The following ST7 variants were observed in gnomAD, a reference collection of about 807,000 sequenced individuals.
The protein encoded by ST7 is suppression of tumorigenicity 7.
A neutral mutation model predicts 78.7 loss-of-function variants in ST7; 28 were observed. That is an observed-to-expected ratio of 0.36 (90% CI 0.26 to 0.49). The LOEUF is 0.49. Ranked by LOEUF, ST7 falls within the 20% of genes least tolerant of loss-of-function variation. ST7 has a pLI of 0.99. For synonymous variants in ST7, 247 were observed against 249.6 expected (o/e 0.99, Z 0.10); for missense variants, 418 against 696.0 (o/e 0.60, Z 4.49).
chr7:117,059,452 G>A (rs955927103), intron 1 of ST7, among the ~76,000 whole-genome samples: 5 of 152,140 alleles, frequency 3.3e-5, no homozygotes, highest in African/African-American at 1.2e-4. Flanking sequence ...ATGCTAGAAT[G>A]GACAGAAATA....
At chr7:117,000,012 C>T (rs1362212233) in intron 1 of ST7, among the ~76,000 whole-genome samples, 6 of 151,908 alleles carry the variant, frequency 3.9e-5, no homozygotes, top group Non-Finnish European at 4.4e-5. Context: ...GGGGTTTCAC[C>T]GTGTTAGCCA....
chr7:117,090,295 T>C (rs1474965263), intron 1 of ST7, among the ~76,000 whole-genome samples: 1 of 151,886 alleles, frequency 6.6e-6, no homozygotes, highest in African/African-American at 2.4e-5. Flanking sequence ...GTCCCAGCCA[T>C]CAAAGACTTG....
chr7:116,961,256 C>T lies in ST7; in HGVS notation c.151+7565C>T, dbSNP rs183187414. ...AGATGAGTAGCGAGTAGCATGATGC[C>T]TCCAGCTTTGTTCTTTTGCTTAGGA... On this transcript the variant is annotated intron_variant, in intron 1 of 15. Coordinates refer to ENST00000323984, the MANE Select transcript of ST7 (RefSeq NM_001369598.1). Among the ~76,000 whole-genome samples the T allele has an allele frequency of 1.7e-4, 26 of 152,248 alleles. No individual in the cohort carries two copies. The East Asian group carries it at 4.8e-3, about 28-fold the overall frequency.
chr7:116,996,641 T>A (rs778794765), intron 1 of ST7, among the ~76,000 whole-genome samples: 1 of 152,210 alleles, frequency 6.6e-6, no homozygotes, highest in Non-Finnish European at 1.5e-5. Flanking sequence ...ATAGGTGCAT[T>A]CTTCTTTATT....
At chr7:117,135,520 T>C (rs1307762302) in intron 7 of ST7, among the ~76,000 whole-genome samples, 1 of 152,010 alleles carries the variant, frequency 6.6e-6, no homozygotes, top group Admixed American at 6.6e-5. Flanking sequence ...TTTTTTTCAG[T>C]GAGTAACTTG....
intron 9 of ST7, among the ~76,000 whole-genome samples, chr7:117,168,668 A>G (rs1807751904): frequency 6.6e-6 from 1 of 152,236 alleles, no homozygotes; most frequent in Non-Finnish European, 1.5e-5. Context: ...AGTTCGGACC[A>G]TCAGTCTTAC....
intron 9 of ST7, among the ~76,000 whole-genome samples, chr7:117,169,232 T>C (rs1807800595): frequency 6.6e-6 from 1 of 151,310 alleles, no homozygotes; most frequent in Admixed American, 6.6e-5. Context: ...ACCTCCTGGG[T>C]TCAAGTGATT....
intron 2 of ST7, 98 bp downstream of exon 2, chr7:117,099,942 A>G: frequency 2.3e-6 from 2 of 873,206 alleles, no homozygotes; most frequent in South Asian, 1.9e-5. Context: ...ATACACTAAC[A>G]GGTTACAGTG....
At chr7:116,961,883 G>C (rs1461225666) in intron 1 of ST7, among the ~76,000 whole-genome samples, 1 of 151,754 alleles carries the variant, frequency 6.6e-6, no homozygotes, top group Non-Finnish European at 1.5e-5. Context: ...CGTCATCTAG[G>C]TTTTAACCCC....
intron 1 of ST7, among the ~76,000 whole-genome samples, chr7:116,998,065 G>A (rs1159275310): frequency 6.6e-6 from 1 of 152,202 alleles, no homozygotes; most frequent in African/African-American, 2.4e-5. Context: ...TGTCGGGGAT[G>A]CTCGGGCTGC....
At chr7:117,086,019 TC>T (rs1800117761) in intron 1 of ST7, among the ~76,000 whole-genome samples, 1 of 152,094 alleles carries the variant, frequency 6.6e-6, no homozygotes, top group Admixed American at 6.5e-5. Flanking sequence ...TCCTCTCCCC[TC>T]CCCTCTCTTC....
intron 1 of ST7, among the ~76,000 whole-genome samples, chr7:116,960,178 C>T (rs1409935697): frequency 1.3e-5 from 2 of 148,404 alleles, no homozygotes; most frequent in Non-Finnish European, 3.0e-5. Flanking sequence ...CGCTGGGATT[C>T]TTTTTTTTTT....
At chr7:117,147,901 A>G (rs901678182) in intron 9 of ST7, among the ~76,000 whole-genome samples, 1 of 151,990 alleles carries the variant, frequency 6.6e-6, no homozygotes, top group African/African-American at 2.4e-5. Context: ...AGCATACATC[A>G]TATGATATTG....
At chr7:117,004,454 A>G (rs1028697095) in intron 1 of ST7, among the ~76,000 whole-genome samples, 1 of 152,178 alleles carries the variant, frequency 6.6e-6, no homozygotes, top group Non-Finnish European at 1.5e-5. Context: ...TGAGGTCAGG[A>G]GTTCGAGACC....
intron 12 of ST7, among the ~76,000 whole-genome samples, chr7:117,195,877 A>G (rs1399677367): frequency 6.6e-6 from 1 of 152,186 alleles, no homozygotes; most frequent in Non-Finnish European, 1.5e-5. Flanking sequence ...TTCATCTTGC[A>G]TGACTGAAAC....
chr7:117,049,699 T>C (rs1190857788), intron 1 of ST7, among the ~76,000 whole-genome samples: 1 of 152,232 alleles, frequency 6.6e-6, no homozygotes, highest in Non-Finnish European at 1.5e-5. Context: ...TTCTTTGTTT[T>C]ACAATGATTC....
In ST7 at chr7:117,209,877, C is replaced by T. The variant is rs774175206; in HGVS notation, c.1345C>T (p.Leu449Phe). ...AGCAATAGCATATGCATTCTTTCAT[C>T]TTGCACACTGGAAGAGAGTGGAAGG... Reference protein sequence around the residue: ...SEAIAYAFFHLAHWKRVEGAL... With the variant: ...SEAIAYAFFHFAHWKRVEGAL... Residue 449 changes from leucine to phenylalanine, a missense_variant, in exon 13 of 16, where the codon CTT becomes TTT. By Grantham distance (22) the Leu-to-Phe change is conservative (BLOSUM62 0). Transcript: ENST00000323984. 1.9e-6 allele frequency: 3 copies of T among 1,614,146 alleles called. No homozygotes were observed. The highest frequency in any genetic ancestry group is 2.2e-5 in the East Asian group (1 of 44,870).
At chr7:117,018,533 G>A (rs1248047792) in intron 1 of ST7, among the ~76,000 whole-genome samples, 2 of 151,482 alleles carry the variant, frequency 1.3e-5, no homozygotes, top group African/African-American at 4.9e-5. Flanking sequence ...CTTCATTTCA[G>A]TTAAATCCTT....
rs1188304854 is a variant in ST7 at position 117,219,317 on chromosome 7, A to G, written c.1498+141A>G. On this transcript the variant is annotated intron_variant, in intron 14 of 15. Transcript: ENST00000323984. This position sits in a 1 kb window ranked among gnomAD's most constrained non-coding sequence, Gnocchi z 5.1. ...CCTGTCCTTGTTTGATAGCATATGT[A>G]TTAAAGTGAATTATGTGAGTGGGTT... 2 of 672,776 alleles carry G rather than the reference A, an allele frequency of 3.0e-6. No homozygotes were observed. Among genetic ancestry groups the G allele is most frequent in the Non-Finnish European group, 5.1e-6 (2 of 395,698 alleles). 41.7% of individuals were successfully genotyped at this position (672,776 alleles called of 1,614,324 possible). A position where few individuals can be genotyped will look rare whatever the true frequency, so the allele number is the denominator to read the frequency against.
Sources: gnomAD v4.1 joint callset for allele counts (sites outside exome capture counted in the v4.1 genomes callset) on GRCh38, gnomAD v4.1.1 for gene constraint, Gnocchi (gnomAD v3.1) non-coding constraint, MANE v1.5 for transcripts, NCBI Gene and HGNC (gene_info 2026-07-23, HGNC 2026-07-21) for gene names.